Variants in CCDC178 observed in about 807,000 individuals in gnomAD.
CCDC178 encodes coiled-coil domain-containing protein 178.
In CCDC178, 126 loss-of-function variants were observed where a neutral mutation model predicts 117.4. That is an observed-to-expected ratio of 1.07 (90% CI 0.93 to 1.24). The LOEUF (loss-of-function observed/expected upper bound fraction) is 1.24. Among genes scored for constraint, CCDC178 ranks in the 50% most tolerant of loss-of-function variants. CCDC178 has a pLI of 0.00. For missense variants in CCDC178, 1,030 were observed against 986.9 expected (o/e 1.04, Z -0.59); for synonymous variants, 283 against 313.4 (o/e 0.90, Z 1.02).
At chr18:33,402,170 G>C (rs1339120919) in intron 3 of CCDC178, among the ~76,000 whole-genome samples, 1 of 152,094 alleles carries the variant, frequency 6.6e-6, no homozygotes, top group Admixed American at 6.6e-5. Flanking sequence ...AAGTTAAAAA[G>C]AGATATCAGA....
chr18:33,268,414 T>A (rs565958369), intron 12 of CCDC178, among the ~76,000 whole-genome samples: 1 of 151,928 alleles, frequency 6.6e-6, no homozygotes, highest in Non-Finnish European at 1.5e-5. Flanking sequence ...AATCTCTGTT[T>A]AAAAAAATTC....
intron 16 of CCDC178, among the ~76,000 whole-genome samples, chr18:33,225,904 G>A (rs1237567903): frequency 1.3e-5 from 2 of 152,202 alleles, no homozygotes; most frequent in Non-Finnish European, 2.9e-5. Flanking sequence ...GCTCACGCCT[G>A]TAATCCCAGC....
chr18:33,350,502 T>C (rs1015569246), intron 7 of CCDC178, among the ~76,000 whole-genome samples: 1 of 152,302 alleles, frequency 6.6e-6, no homozygotes, highest in East Asian at 1.9e-4. Flanking sequence ...TGAACTTTCA[T>C]GAATATTTTA....
intron 5 of CCDC178, among the ~76,000 whole-genome samples, chr18:33,385,353 AGACCAAGTG>A (rs1449481619): frequency 1.3e-5 from 2 of 152,284 alleles, no homozygotes; most frequent in Non-Finnish European, 2.9e-5. Flanking sequence ...ACTCAGCTCT[AGACCAAGTG>A]GACCTGACAG....
intron 11 of CCDC178, among the ~76,000 whole-genome samples, chr18:33,307,056 C>G (rs1266288036): frequency 2.0e-5 from 3 of 152,170 alleles, no homozygotes; most frequent in African/African-American, 4.8e-5. Flanking sequence ...ATTACCCAGT[C>G]TCAGGCAGTT....
intron 22 of CCDC178, among the ~76,000 whole-genome samples, chr18:32,965,501 A>G (rs1292173686): frequency 6.6e-6 from 1 of 151,874 alleles, no homozygotes; most frequent in Non-Finnish European, 1.5e-5. Context: ...ATGTGTGTTT[A>G]TTTATGTCTT....
At chr18:33,105,308 A>G (rs898641285) in intron 20 of CCDC178, among the ~76,000 whole-genome samples, 6 of 151,748 alleles carry the variant, frequency 4.0e-5, no homozygotes, top group East Asian at 2.0e-4. Context: ...TATAGTTACT[A>G]TCTTCATATT....
At chr18:33,201,348 T>C (rs2144555641) in intron 20 of CCDC178, among the ~76,000 whole-genome samples, 1 of 152,370 alleles carries the variant, frequency 6.6e-6, no homozygotes, top group South Asian at 2.1e-4. Flanking sequence ...TTCCATGTAC[T>C]TGCCCCTTTC....
At chr18:33,313,789 C>G (rs774178835) in intron 11 of CCDC178, among the ~76,000 whole-genome samples, 3 of 152,152 alleles carry the variant, frequency 2.0e-5, no homozygotes, top group Non-Finnish European at 4.4e-5. Context: ...GGCAGATGCC[C>G]AGGGGAAGAT....
intron 19 of CCDC178, among the ~76,000 whole-genome samples, chr18:33,213,953 C>T (rs12969304): frequency 0.016 from 2,475 of 152,172 alleles, 23 homozygotes; most frequent in Non-Finnish European, 0.023. Context: ...AGTATGCCCA[C>T]TATGAGTTCT....
chr18:33,025,370 A>T (rs1381324151), intron 21 of CCDC178, among the ~76,000 whole-genome samples: 2 of 152,208 alleles, frequency 1.3e-5, no homozygotes, highest in Admixed American at 1.3e-4. Flanking sequence ...CCAAAAACAT[A>T]ATGTATAGAA....
chr18:33,391,815 AAT>A (rs1310039745), intron 4 of CCDC178, among the ~76,000 whole-genome samples: 1 of 151,916 alleles, frequency 6.6e-6, no homozygotes, highest in Non-Finnish European at 1.5e-5. Context: ...GTAAAAGTGA[AAT>A]ATATATATAT....
At chr18:33,434,052 TCATC>T (rs1450767789) in intron 2 of CCDC178, among the ~76,000 whole-genome samples, 1 of 152,102 alleles carries the variant, frequency 6.6e-6, no homozygotes, top group Non-Finnish European at 1.5e-5. Flanking sequence ...AAATCAAAAT[TCATC>T]CAACAGTATA....
In CCDC178 at chr18:32,937,998, A is replaced by T; in HGVS notation, c.*13T>A. The T allele has an allele frequency of 6.3e-7, 1 of 1,591,818 alleles. No homozygotes were observed. The highest frequency in any genetic ancestry group is 8.6e-7 in the Non-Finnish European group (1 of 1,160,100). ...TCTTTTATTTCAGCATCCAAGATAC[A>T]TTGGTTGTTTGCTTAACCATCGTTT... On this transcript the variant is annotated 3_prime_UTR_variant, in exon 23 of 23. Transcript: ENST00000383096.
intron 2 of CCDC178, among the ~76,000 whole-genome samples, chr18:33,432,475 CCATACACACA>C (rs1242558689): frequency 3.0e-5 from 3 of 101,574 alleles, no homozygotes; most frequent in African/African-American, 1.1e-4. Context: ...CATGCCTTCT[CCATACACACA>C]CACACACACA....
intron 21 of CCDC178, among the ~76,000 whole-genome samples, chr18:33,054,272 C>T (rs1365280916): frequency 2.6e-5 from 4 of 152,036 alleles, no homozygotes; most frequent in Non-Finnish European, 5.9e-5. Context: ...TTTTCTTCAA[C>T]TTTTTATTCT....
chr18:33,286,490 C>T (rs1032765338), intron 12 of CCDC178, among the ~76,000 whole-genome samples: 7 of 152,038 alleles, frequency 4.6e-5, no homozygotes, highest in Non-Finnish European at 1.0e-4. Flanking sequence ...ACTATTCTTT[C>T]TCTATTTTTG....
At chr18:33,322,090 T>C (rs969856707) in intron 11 of CCDC178, among the ~76,000 whole-genome samples, 2 of 151,846 alleles carry the variant, frequency 1.3e-5, no homozygotes, top group Non-Finnish European at 2.9e-5. Flanking sequence ...AACTTCAAAT[T>C]TGCATGCACC....
chr18:32,999,491 A>G (rs567600971), intron 21 of CCDC178, among the ~76,000 whole-genome samples: 102 of 152,238 alleles, frequency 6.7e-4, no homozygotes, highest in African/African-American at 2.3e-3. Context: ...TTGAGCAAAC[A>G]TAGGTTGCAG....
Sources: allele counts gnomAD v4.1 joint callset (sites outside exome capture counted in the v4.1 genomes callset), GRCh38; gene constraint gnomAD v4.1.1; transcripts MANE v1.5; gene names NCBI Gene and HGNC (gene_info 2026-07-23, HGNC 2026-07-21).